Variants in PUM1 observed in about 807,000 individuals in gnomAD.
PUM1 encodes pumilio homolog 1.
In PUM1, 13 loss-of-function variants were observed where a neutral mutation model predicts 131.8. The ratio of observed to expected loss-of-function variants is 0.10; its 90% CI spans 0.06 to 0.16. PUM1 has a LOEUF of 0.16. Ranked by LOEUF, PUM1 falls within the 10% of genes least tolerant of loss-of-function variation. PUM1 has a pLI of 1.00. For synonymous variants in PUM1, 509 were observed against 556.5 expected, an observed-to-expected ratio of 0.91 and a Z score of 1.20; for missense variants, 961 against 1,512.4, an observed-to-expected ratio of 0.64 and a Z score of 6.05.
At chr1:31,031,752 CT>C (rs1309626279) in intron 2 of PUM1, among the ~76,000 whole-genome samples, 1 of 152,198 alleles carries the variant, frequency 6.6e-6, no homozygotes, top group Non-Finnish European at 1.5e-5. Flanking sequence ...CTTCCCCTAC[CT>C]TCAAAACTTG....
chr1:31,039,753 T>C (rs1028970976), intron 2 of PUM1, among the ~76,000 whole-genome samples: 2 of 151,804 alleles, frequency 1.3e-5, no homozygotes, highest in Non-Finnish European at 2.9e-5. Context: ...ACACAAAAAT[T>C]AGCCAGGCAT....
chr1:31,029,808 G>A (rs1643352784), intron 2 of PUM1, among the ~76,000 whole-genome samples: 1 of 151,704 alleles, frequency 6.6e-6, no homozygotes, highest in East Asian at 1.9e-4. Context: ...CAGATACTCA[G>A]CAGGGTGAGG....
intron 3 of PUM1, among the ~76,000 whole-genome samples, chr1:31,022,814 AT>A (rs1160600029): frequency 1.3e-5 from 2 of 152,224 alleles, no homozygotes; most frequent in African/African-American, 4.8e-5. Context: ...TGTCAAAAAA[AT>A]ACCCAAAAAA....
chr1:30,950,281 A>G lies in PUM1; in HGVS notation c.2722-20T>C. ...GCCAAACTAGACATAATGTGTGGGT[A>G]AACACCATTACTTAAGTAGAAGGAA... On this transcript the variant is annotated intron_variant, in intron 16 of 21. Coordinates refer to ENST00000426105, the MANE Select transcript of PUM1 (RefSeq NM_001020658.2). 1 of 1,606,680 alleles carries G rather than the reference A, an allele frequency of 6.2e-7. No homozygotes were observed. The highest frequency in any genetic ancestry group is 8.5e-7 in the Non-Finnish European group (1 of 1,176,864).
At chr1:30,944,900 C>T (rs1639605090) in intron 18 of PUM1, among the ~76,000 whole-genome samples, 2 of 152,182 alleles carry the variant, frequency 1.3e-5, no homozygotes, top group African/African-American at 4.8e-5. Flanking sequence ...AGACAGGTAC[C>T]TGACAGTACT....
chr1:30,974,577 G>C, intron 10 of PUM1, 74 bp downstream of exon 10: 1 of 1,391,230 alleles, frequency 7.2e-7, no homozygotes, highest in East Asian at 2.5e-5. Context: ...TTTCTATTAG[G>C]CGCAATATTA....
At chr1:30,984,701 C>CT (rs1641479465) in intron 7 of PUM1, among the ~76,000 whole-genome samples, 1 of 152,166 alleles carries the variant, frequency 6.6e-6, no homozygotes, top group African/African-American at 2.4e-5. Flanking sequence ...TAAAAACAGT[C>CT]TACAGAGCTC....
intron 1 of PUM1, chr1:31,062,019 A>T (rs1005353556): frequency 6.6e-6 from 1 of 152,260 alleles, no homozygotes; most frequent in African/African-American, 2.4e-5. Flanking sequence ...ATTGAAAGGT[A>T]GCCATTATTA....
chr1:31,056,366 C>T (rs1038221450), intron 2 of PUM1, among the ~76,000 whole-genome samples: 4 of 151,998 alleles, frequency 2.6e-5, no homozygotes, highest in Non-Finnish European at 5.9e-5. Flanking sequence ...CTGCAACCTC[C>T]ACCTCCCGGG....
rs562475003 is a variant in PUM1, at chr1:30,977,726, G to A, written c.1354+2336C>T. On this transcript the variant is annotated intron_variant, in intron 9 of 21. Coordinates refer to ENST00000426105, the MANE Select transcript of PUM1 (RefSeq NM_001020658.2). ...TACAAAAAACAAGATTCTGATCACC[G>A]AACTACCATCTCAGTGACAGCAGCA... Among the ~76,000 whole-genome samples, 31 of 152,192 alleles carry A rather than the reference G, an allele frequency of 2.0e-4. 1 individual carries two copies. The South Asian group carries it at 5.8e-3, about 29-fold the overall frequency.
chr1:31,040,801 G>A, intron 2 of PUM1, among the ~76,000 whole-genome samples: 1 of 151,808 alleles, frequency 6.6e-6, no homozygotes, highest in Non-Finnish European at 1.5e-5. Flanking sequence ...AAAATAACAT[G>A]AAAGGTCTCC....
At chr1:30,933,377 G>A in intron 21 of PUM1, 35 bp from the exon 22 acceptor site, 1 of 1,606,928 alleles carries the variant, frequency 6.2e-7, no homozygotes. Flanking sequence ...TACATGGCCT[G>A]AGATGAGACT....
At chr1:30,962,145 G>A (rs993884652) in intron 14 of PUM1, among the ~76,000 whole-genome samples, 1 of 152,178 alleles carries the variant, frequency 6.6e-6, no homozygotes, top group South Asian at 2.1e-4. Flanking sequence ...CAGAAGTCCA[G>A]TGCAAATGTA....
At chr1:30,939,407 C>T (rs755862924) in intron 20 of PUM1, among the ~76,000 whole-genome samples, 4 of 152,214 alleles carry the variant, frequency 2.6e-5, no homozygotes, top group Non-Finnish European at 5.9e-5. Flanking sequence ...GAACCCCTTC[C>T]GGCTCTCTCC....
intron 3 of PUM1, among the ~76,000 whole-genome samples, chr1:31,009,916 C>T (rs1642545620): frequency 6.6e-6 from 1 of 152,050 alleles, no homozygotes. Context: ...CAGCTCAAGG[C>T]TTCAAAAATC....
rs1414443241 is a variant in PUM1 at position 30,932,663 on chromosome 1, A to ATT, written c.*547_*548insAA. On this transcript the variant is annotated 3_prime_UTR_variant, in exon 22 of 22. Transcript: ENST00000426105. Reference sequence around the variant, plus strand: ...ATTATATATATATATATATATATATATATTTTTTATAAACAGTGTTAAATG... The same window carrying ATT: ...ATTATATATATATATATATATATATATTTATTTTTTATAAACAGTGTTAAATG... 2.8e-3 allele frequency: 189 copies of ATT among 67,108 alleles called. 2 individuals carry two copies. The highest frequency in any genetic ancestry group is 4.1e-3 in the Non-Finnish European group (114 of 27,480). 4.2% of individuals were successfully genotyped at this position (67,108 alleles called of 1,614,324 possible). A position where few individuals can be genotyped will look rare whatever the true frequency, so the allele number is the denominator to read the frequency against.
chr1:30,984,171 T>A (rs537167236), intron 7 of PUM1, among the ~76,000 whole-genome samples: 13 of 152,198 alleles, frequency 8.5e-5, no homozygotes, highest in Non-Finnish European at 1.8e-4. Flanking sequence ...TAGAAAAGGA[T>A]TTTCTTGAGA....
At chr1:31,062,717 C>T (rs1178272525) in intron 1 of PUM1, among the ~76,000 whole-genome samples, 3 of 151,984 alleles carry the variant, frequency 2.0e-5, no homozygotes, top group Non-Finnish European at 2.9e-5. Flanking sequence ...ATCGGCCTAA[C>T]AGTCTACTGC....
At position 31,059,513 on chromosome 1, in the gene PUM1, G is replaced by A. The variant is rs541850603; in HGVS notation, c.54C>T (p.Phe18=). ...KRKAVLWQDS[F]SPHLKHHPQE... ...GAGGGTGATGTTTCAGGTGGGGGCTGAAAGAGTCCTGCCAAAGCACTGCTT... is the reference window on the plus strand; with the variant it reads ...GAGGGTGATGTTTCAGGTGGGGGCTAAAAGAGTCCTGCCAAAGCACTGCTT... Residue 18 remains phenylalanine (F), a synonymous_variant, in exon 2 of 22, where the codon TTC becomes TTT. Transcript: ENST00000426105. 1.2e-6 allele frequency: 2 copies of A among 1,614,152 alleles called. No individual in the cohort carries two copies. The highest frequency in any genetic ancestry group is 1.1e-5 in the South Asian group (1 of 91,084).
Sources: allele counts gnomAD v4.1 joint callset (sites outside exome capture counted in the v4.1 genomes callset), GRCh38; gene constraint gnomAD v4.1.1; transcripts MANE v1.5; gene names NCBI Gene and HGNC (gene_info 2026-07-23, HGNC 2026-07-21).